Variants in CYRIB observed in about 807,000 individuals in gnomAD.
CYRIB encodes the protein CYFIP related Rac1 interactor B.
Under a neutral mutation model 44.2 loss-of-function variants are expected in CYRIB, and 8 were observed. The observed-to-expected ratio is 0.18, with a 90% CI of 0.11 to 0.33. The LOEUF is 0.33. Ranked by LOEUF, CYRIB falls within the 10% of genes least tolerant of loss-of-function variation. CYRIB has a pLI of 1.00. For missense variants in CYRIB, 185 were observed against 382.8 expected, an observed-to-expected ratio of 0.48 and a Z score of 4.31; for synonymous variants, 131 against 127.2, an observed-to-expected ratio of 1.03 and a Z score of -0.20.
intron 8 of CYRIB, 111 bp from the exon 11 acceptor site, chr8:129,851,025 C>T (rs1045128451): frequency 5.9e-6 from 4 of 682,842 alleles, no homozygotes; most frequent in Non-Finnish European, 1.0e-5. Context: ...AACCTGGTTC[C>T]TACTCCTAAT....
chr8:129,988,211 A>C (rs1237155168), intron 1 of CYRIB, among the ~76,000 whole-genome samples: 1 of 152,104 alleles, frequency 6.6e-6, no homozygotes, highest in East Asian at 1.9e-4. Flanking sequence ...CTCTTTCTCG[A>C]TCTTCAGGGG....
chr8:130,005,137 A>T (rs1032829197), intron 1 of CYRIB, among the ~76,000 whole-genome samples: 8 of 150,900 alleles, frequency 5.3e-5, no homozygotes, highest in African/African-American at 1.9e-4. Context: ...TTTATTTTTT[A>T]TTTTTTTGCC....
Position 129,849,381 on chromosome 8 carries a change from A to G in CYRIB, c.714-12T>C. On this transcript the variant is annotated splice_polypyrimidine_tract_variant and intron_variant, in intron 9 of 11. Coordinates refer to ENST00000519824, the Ensembl canonical transcript of CYRIB. ...TGCTTCTGTATTCCCTGAAGAGTAG[A>G]TAAGATATGCATGGAAGAAGTGCAT... The G allele has an allele frequency of 1.3e-6, 2 of 1,597,968 alleles. No individual in the cohort carries two copies. The highest frequency in any genetic ancestry group is 1.7e-6 in the Non-Finnish European group (2 of 1,175,816).
At chr8:129,978,732 A>G (rs1372781618) in intron 1 of CYRIB, among the ~76,000 whole-genome samples, 2 of 152,144 alleles carry the variant, frequency 1.3e-5, no homozygotes, top group Non-Finnish European at 2.9e-5. Context: ...TGTCCTTTGA[A>G]ACACATTCCC....
intron 11 of CYRIB, among the ~76,000 whole-genome samples, chr8:129,842,906 A>G (rs1179691097): frequency 6.6e-6 from 1 of 152,202 alleles, no homozygotes; most frequent in Non-Finnish European, 1.5e-5. Flanking sequence ...TACAGCTGTT[A>G]TATCTCTAAA....
At chr8:129,973,591 C>T (rs956404427) in intron 1 of CYRIB, among the ~76,000 whole-genome samples, 1 of 152,220 alleles carries the variant, frequency 6.6e-6, no homozygotes, top group African/African-American at 2.4e-5. Context: ...AACCACCTCA[C>T]GTGGACTCCT....
chr8:129,961,956 T>A lies in CYRIB; in HGVS notation c.-243+8987A>T, dbSNP rs185814693. On this transcript the variant is annotated intron_variant, in intron 2 of 14. Transcript: ENST00000401979. ...CACAATTATCAAGATTAAATAAAAA[T>A]TTTTTAATTGCGGCCAGATGCAGTG... 2.4e-4 allele frequency among the ~76,000 whole-genome samples: 36 copies of A among 152,278 alleles called. 1 individual carries two copies. The East Asian group carries it at 5.6e-3, about 24-fold the overall frequency.
chr8:129,899,713 G>T (rs976433650), intron 2 of CYRIB, among the ~76,000 whole-genome samples: 2 of 152,260 alleles, frequency 1.3e-5, no homozygotes, highest in Admixed American at 1.3e-4. Context: ...GAAGACAAAG[G>T]TTTTTAAAGG....
intron 4 of CYRIB, among the ~76,000 whole-genome samples, chr8:129,867,417 A>T (rs2054321245): frequency 6.6e-6 from 1 of 150,538 alleles, no homozygotes; most frequent in African/African-American, 2.4e-5. Flanking sequence ...TGTGCCACCA[A>T]TTTGGCTATT....
At chr8:129,954,104 GTAAT>G (rs941284251) in intron 2 of CYRIB, among the ~76,000 whole-genome samples, 53 of 152,228 alleles carry the variant, frequency 3.5e-4, no homozygotes, top group African/African-American at 1.3e-3. Context: ...TCCCCAAGTT[GTAAT>G]ACACAGAAGA....
chr8:129,857,886 A>G (rs1182488663), intron 5 of CYRIB, among the ~76,000 whole-genome samples: 1 of 152,230 alleles, frequency 6.6e-6, no homozygotes, highest in East Asian at 1.9e-4. Context: ...CCTAGACTTT[A>G]TCAAGTCTCA....
At chr8:129,955,180 G>C (rs956921896) in intron 2 of CYRIB, among the ~76,000 whole-genome samples, 4 of 151,232 alleles carry the variant, frequency 2.6e-5, no homozygotes, top group Admixed American at 1.3e-4. Context: ...TTGAACCCAG[G>C]AGGCGGAGGT....
intron 1 of CYRIB, among the ~76,000 whole-genome samples, chr8:129,918,043 C>T (rs1258909035): frequency 6.6e-6 from 1 of 152,100 alleles, no homozygotes; most frequent in East Asian, 1.9e-4. Flanking sequence ...CACGTGTTTA[C>T]GAGTGACCAC....
chr8:129,890,616 G>T (rs2064937270), intron 2 of CYRIB: 1 of 152,226 alleles, frequency 6.6e-6, no homozygotes, highest in South Asian at 2.1e-4. Context: ...AAGCAGGCCA[G>T]GCGTGGTGGC....
chr8:129,882,232 A>G (rs1408180214), intron 2 of CYRIB, among the ~76,000 whole-genome samples: 1 of 152,216 alleles, frequency 6.6e-6, no homozygotes, highest in African/African-American at 2.4e-5. Flanking sequence ...ATCAAACCAG[A>G]AATTCGACTC....
At chr8:129,938,243 G>T (rs1200141829) in intron 1 of CYRIB, among the ~76,000 whole-genome samples, 1 of 152,054 alleles carries the variant, frequency 6.6e-6, no homozygotes, top group Non-Finnish European at 1.5e-5. Flanking sequence ...TAGACACAAA[G>T]CTTCTGTTTC....
intron 11 of CYRIB, among the ~76,000 whole-genome samples, chr8:129,842,452 T>C (rs1179716090): frequency 1.3e-5 from 2 of 152,200 alleles, no homozygotes; most frequent in East Asian, 1.9e-4. Context: ...AAATGATTGG[T>C]TGACCTCTCA....
intron 1 of CYRIB, among the ~76,000 whole-genome samples, chr8:130,005,928 G>A (rs191719561): frequency 3.9e-5 from 6 of 152,094 alleles, no homozygotes; most frequent in East Asian, 1.9e-4. Flanking sequence ...AGATGACAAC[G>A]GGCAGATTAC....
chr8:129,888,636 T>C (rs2063753281), intron 2 of CYRIB, among the ~76,000 whole-genome samples: 1 of 152,178 alleles, frequency 6.6e-6, no homozygotes, highest in Non-Finnish European at 1.5e-5. Flanking sequence ...AAACTGATGG[T>C]TCGTACCATC....
Sources: allele counts gnomAD v4.1 joint callset (sites outside exome capture counted in the v4.1 genomes callset), GRCh38; gene constraint gnomAD v4.1.1; transcripts MANE v1.5; gene names NCBI Gene and HGNC (gene_info 2026-07-23, HGNC 2026-07-21).